FAM13A: variants seen among roughly 807,000 people sequenced by gnomAD.
FAM13A encodes the protein protein FAM13A.
In FAM13A, 76 loss-of-function variants were observed where a neutral mutation model predicts 129.6. The observed-to-expected ratio is 0.59, with a 90% CI of 0.49 to 0.71. The LOEUF (loss-of-function observed/expected upper bound fraction) is 0.71. Among genes scored for constraint, FAM13A ranks in the 30% least tolerant of loss-of-function variants. The probability of loss-of-function intolerance (pLI) is 0.00; values close to 1 mark genes in which losing one functional copy is unlikely to be tolerated. For synonymous variants in FAM13A, 443 were observed against 449.9 expected (o/e 0.98, Z 0.20); for missense variants, 1,108 against 1,249.3 (o/e 0.89, Z 1.70).
At chr4:88,864,014 CAA>C (rs1194540112) in intron 6 of FAM13A, among the ~76,000 whole-genome samples, 1 of 151,718 alleles carries the variant, frequency 6.6e-6, no homozygotes, top group Non-Finnish European at 1.5e-5. Context: ...AAGAAGTAAA[CAA>C]AAAAATCGGA....
intron 5 of FAM13A, among the ~76,000 whole-genome samples, chr4:88,926,909 A>C (rs897112858): frequency 6.6e-6 from 1 of 152,170 alleles, no homozygotes; most frequent in African/African-American, 2.4e-5. Flanking sequence ...GGACAGGTGC[A>C]TATTTCTTAC....
intron 6 of FAM13A, among the ~76,000 whole-genome samples, chr4:88,898,394 C>T (rs1172909617): frequency 6.6e-6 from 1 of 151,596 alleles, no homozygotes; most frequent in African/African-American, 2.4e-5. Flanking sequence ...TTTGGACATG[C>T]AAATATTTCA....
At chr4:88,947,728 T>C (rs538488832) in intron 4 of FAM13A, among the ~76,000 whole-genome samples, 1 of 151,936 alleles carries the variant, frequency 6.6e-6, no homozygotes, top group African/African-American at 2.4e-5. Flanking sequence ...CCTAGGACGC[T>C]TATTCTATAA....
chr4:88,806,611 C>T (rs1728614876), intron 7 of FAM13A, among the ~76,000 whole-genome samples: 1 of 152,164 alleles, frequency 6.6e-6, no homozygotes, highest in Admixed American at 6.6e-5. Flanking sequence ...AATTTCAACA[C>T]TGATCAGCTG....
At chr4:88,732,742 A>G (rs1738114585) in intron 21 of FAM13A, among the ~76,000 whole-genome samples, 1 of 152,062 alleles carries the variant, frequency 6.6e-6, no homozygotes, top group Non-Finnish European at 1.5e-5. Flanking sequence ...TTTTAGGGAA[A>G]TTTTAAGAAG....
chr4:88,951,686 T>TAC lies in FAM13A; in HGVS notation c.606-13447_606-13446dup, dbSNP rs1372158931. Among the ~76,000 whole-genome samples, 3 of 152,348 alleles carry TAC rather than the reference T, an allele frequency of 2.0e-5. No homozygotes were observed. The East Asian group carries it at 5.8e-4, about 29-fold the overall frequency. The stretch of plus-strand genomic sequence containing the variant: ...TTTTCCTTCTTTACTTACTAAATCC[T>TAC]ACCCATCTTCCAATGTTCAATTAAA... On this transcript the variant is annotated intron_variant, in intron 4 of 23. Transcript: ENST00000264344.
At chr4:88,981,556 GGTACACA>G (rs1761666219) in intron 4 of FAM13A, among the ~76,000 whole-genome samples, 1 of 152,072 alleles carries the variant, frequency 6.6e-6, no homozygotes, top group South Asian at 2.1e-4. Flanking sequence ...TACATCACTA[GGTACACA>G]GTGCCTTAGA....
chr4:88,904,644 C>T (rs1364460662), intron 6 of FAM13A, among the ~76,000 whole-genome samples: 1 of 151,988 alleles, frequency 6.6e-6, no homozygotes, highest in Non-Finnish European at 1.5e-5. Flanking sequence ...AGGGAATAAG[C>T]AAGGATACCT....
At chr4:88,772,821 A>T (rs565928485) in intron 11 of FAM13A, among the ~76,000 whole-genome samples, 2 of 152,346 alleles carry the variant, frequency 1.3e-5, no homozygotes, top group East Asian at 3.8e-4. Flanking sequence ...AAAGTAAAAA[A>T]TCAGATGGTT....
chr4:88,879,014 A>G (rs925045041), intron 6 of FAM13A, among the ~76,000 whole-genome samples: 1 of 152,250 alleles, frequency 6.6e-6, no homozygotes, highest in African/African-American at 2.4e-5. Context: ...TCTAAACAGC[A>G]TGGTTGATAT....
chr4:88,910,077 T>G lies in FAM13A; in HGVS notation c.760-3615A>C, dbSNP rs575614770. 4.6e-5 allele frequency among the ~76,000 whole-genome samples: 7 copies of G among 152,300 alleles called. 1 individual carries two copies. In the East Asian group the frequency reaches 1.4e-3, roughly 29 times the overall value. ...TTAAATTGTATGTAGGCATGAAAAT[T>G]TATTCAACAAATATCAACTGAATCT... On this transcript the variant is annotated intron_variant, in intron 5 of 23. Transcript: ENST00000264344.
chr4:89,001,471 A>G (rs555309248), intron 3 of FAM13A, among the ~76,000 whole-genome samples: 9 of 152,236 alleles, frequency 5.9e-5, no homozygotes, highest in Non-Finnish European at 1.2e-4. Flanking sequence ...TGGAAAGGTT[A>G]AATTTTGTAG....
chr4:88,886,022 G>A (rs1468960243), intron 6 of FAM13A, among the ~76,000 whole-genome samples: 1 of 150,318 alleles, frequency 6.7e-6, no homozygotes, highest in East Asian at 2.0e-4. Context: ...AAAAATAGAC[G>A]TTGGCATGGA....
intron 5 of FAM13A, chr4:88,937,385 T>G (rs1249919773): frequency 6.6e-6 from 1 of 152,182 alleles, no homozygotes. Context: ...TCCATCATGA[T>G]TCACCTCAAT....
chr4:88,874,809 C>A (rs1177067427), intron 6 of FAM13A, among the ~76,000 whole-genome samples: 1 of 152,156 alleles, frequency 6.6e-6, no homozygotes, highest in Non-Finnish European at 1.5e-5. Flanking sequence ...TCATATGGAA[C>A]CAAGAAAGAG....
At chr4:88,888,770 T>TAA (rs35786527) in intron 6 of FAM13A, among the ~76,000 whole-genome samples, 12 of 133,822 alleles carry the variant, frequency 9.0e-5, no homozygotes, top group Admixed American at 3.0e-4. Context: ...CTAAAAATAC[T>TAA]AAAAAAAAAA....
intron 7 of FAM13A, among the ~76,000 whole-genome samples, chr4:88,822,354 C>G (rs1033046896): frequency 3.3e-5 from 5 of 152,156 alleles, no homozygotes; most frequent in African/African-American, 7.2e-5. Context: ...TCGCCTCCCC[C>G]CAGACCCACA....
chr4:88,971,257 A>C (rs1184340545), intron 4 of FAM13A, among the ~76,000 whole-genome samples: 1 of 152,154 alleles, frequency 6.6e-6, no homozygotes, highest in East Asian at 1.9e-4. Context: ...CATCAAAGGG[A>C]AAATTTAGTT....
At chr4:88,959,853 G>A (rs1399162765) in intron 4 of FAM13A, among the ~76,000 whole-genome samples, 1 of 152,182 alleles carries the variant, frequency 6.6e-6, no homozygotes, top group Non-Finnish European at 1.5e-5. Flanking sequence ...GTGAGGGGAT[G>A]TTGTTATTCT....
Sources: gnomAD v4.1 joint callset for allele counts (sites outside exome capture counted in the v4.1 genomes callset) on GRCh38, gnomAD v4.1.1 for gene constraint, MANE v1.5 for transcripts, NCBI Gene and HGNC (gene_info 2026-07-23, HGNC 2026-07-21) for gene names.